The following SGMS1 variants were observed in gnomAD, a reference collection of about 807,000 sequenced individuals.
The protein encoded by SGMS1 is phosphatidylcholine:ceramide cholinephosphotransferase 1.
SGMS1 carries 13 observed loss-of-function variants against 46.2 expected under a neutral mutation model. That is an observed-to-expected ratio of 0.28 (90% CI 0.18 to 0.45). SGMS1 has a LOEUF of 0.45. Among genes scored for constraint, SGMS1 ranks in the 20% least tolerant of loss-of-function variants. The probability of loss-of-function intolerance (pLI) is 1.00; values close to 1 mark genes in which losing one functional copy is unlikely to be tolerated. For missense variants in SGMS1, 324 were observed against 519.9 expected (o/e 0.62, Z 3.66); for synonymous variants, 203 against 187.8 (o/e 1.08, Z -0.66).
chr10:50,438,056 G>A (rs1190108343), intron 5 of SGMS1, among the ~76,000 whole-genome samples: 1 of 152,228 alleles, frequency 6.6e-6, no homozygotes, highest in Non-Finnish European at 1.5e-5. Context: ...AAAAGCAGAA[G>A]GGATGAGAAA....
chr10:50,503,939 A>G (rs1299292679), intron 3 of SGMS1, among the ~76,000 whole-genome samples: 1 of 152,228 alleles, frequency 6.6e-6, no homozygotes, highest in Admixed American at 6.5e-5. Flanking sequence ...TGTACAGAGA[A>G]AAAATGAAGG....
intron 2 of SGMS1, among the ~76,000 whole-genome samples, chr10:50,528,719 G>A (rs1443715132): frequency 1.3e-5 from 2 of 152,134 alleles, no homozygotes; most frequent in Non-Finnish European, 2.9e-5. Context: ...GGCAAAATAG[G>A]GAGACCTCTG....
intron 2 of SGMS1, among the ~76,000 whole-genome samples, chr10:50,554,385 A>T (rs1255882941): frequency 6.6e-6 from 1 of 152,244 alleles, no homozygotes; most frequent in East Asian, 1.9e-4. Flanking sequence ...AAGCAAATGA[A>T]AAATTTAAAC....
At chr10:50,555,656 T>A (rs1838184048) in intron 2 of SGMS1, among the ~76,000 whole-genome samples, 1 of 152,218 alleles carries the variant, frequency 6.6e-6, no homozygotes, top group Admixed American at 6.5e-5. Flanking sequence ...AACTAAGTAT[T>A]CAGACCTTCA....
rs535492759 is a variant in SGMS1, at chr10:50,310,318, C to T, written c.895+944G>A. Among the ~76,000 whole-genome samples the T allele has an allele frequency of 2.0e-5, 3 of 152,282 alleles. No homozygotes were observed. In the South Asian group the frequency reaches 6.2e-4, roughly 32 times the overall value. ...TTCATGGAAACCCCCCTGTATAATGCTTATCAGACTGTTTCTAACAATGTG... is the reference window on the plus strand; with the variant it reads ...TTCATGGAAACCCCCCTGTATAATGTTTATCAGACTGTTTCTAACAATGTG... On this transcript the variant is annotated intron_variant, in intron 9 of 10. Transcript: ENST00000361781.
At chr10:50,355,055 C>T (rs1288363065) in intron 6 of SGMS1, among the ~76,000 whole-genome samples, 1 of 152,166 alleles carries the variant, frequency 6.6e-6, no homozygotes, top group Admixed American at 6.5e-5. Flanking sequence ...GGATCTAGAA[C>T]TAGAAATATC....
intron 3 of SGMS1, among the ~76,000 whole-genome samples, chr10:50,508,917 C>G (rs1837730594): frequency 6.6e-6 from 1 of 152,146 alleles, no homozygotes; most frequent in Non-Finnish European, 1.5e-5. Flanking sequence ...TTTGGTCCAC[C>G]CTGATGGATG....
At chr10:50,439,277 G>A (rs1413410897) in intron 5 of SGMS1, among the ~76,000 whole-genome samples, 1 of 152,130 alleles carries the variant, frequency 6.6e-6, no homozygotes, top group African/African-American at 2.4e-5. Context: ...CAACCACAGA[G>A]TATACAGCTA....
chr10:50,464,665 T>C (rs1398119777), intron 4 of SGMS1, among the ~76,000 whole-genome samples: 1 of 152,202 alleles, frequency 6.6e-6, no homozygotes, highest in African/African-American at 2.4e-5. Flanking sequence ...AACTCCTGAC[T>C]TCAAGTGATT....
chr10:50,487,567 C>T (rs562532720), intron 3 of SGMS1, among the ~76,000 whole-genome samples: 4 of 152,202 alleles, frequency 2.6e-5, no homozygotes, highest in African/African-American at 7.2e-5. Context: ...ATATTTTGTA[C>T]ACGTTTTTTA....
chr10:50,468,524 T>C (rs1185514310), intron 3 of SGMS1, among the ~76,000 whole-genome samples: 1 of 152,192 alleles, frequency 6.6e-6, no homozygotes, highest in African/African-American at 2.4e-5. Context: ...TAAGGGATAA[T>C]TTTCTGACAC....
At chr10:50,408,277 T>C (rs1345011181) in intron 6 of SGMS1, among the ~76,000 whole-genome samples, 1 of 151,886 alleles carries the variant, frequency 6.6e-6, no homozygotes, top group Non-Finnish European at 1.5e-5. Flanking sequence ...ATAGAAATAC[T>C]AGCCCTTTTA....
intron 6 of SGMS1, among the ~76,000 whole-genome samples, chr10:50,369,882 T>C (rs886113233): frequency 6.6e-6 from 1 of 152,210 alleles, no homozygotes; most frequent in Non-Finnish European, 1.5e-5. Context: ...ACCTAGATGG[T>C]GTAACCTATT....
At chr10:50,378,974 A>G (rs563051016) in intron 6 of SGMS1, among the ~76,000 whole-genome samples, 1 of 152,282 alleles carries the variant, frequency 6.6e-6, no homozygotes, top group South Asian at 2.1e-4. Context: ...AGTGTAGGGG[A>G]AAAAGGAGCA....
intron 1 of SGMS1, among the ~76,000 whole-genome samples, chr10:50,612,697 TTTG>T (rs1838761152): frequency 6.6e-6 from 1 of 152,280 alleles, no homozygotes; most frequent in Non-Finnish European, 1.5e-5. Context: ...ATTTAGCCAC[TTTG>T]TTGTTTGTTG....
chr10:50,359,587 G>A (rs1848213971), intron 6 of SGMS1, among the ~76,000 whole-genome samples: 1 of 151,762 alleles, frequency 6.6e-6, no homozygotes, highest in South Asian at 2.1e-4. Context: ...AGCTAATTCT[G>A]CCTCCCCTTC....
intron 6 of SGMS1, among the ~76,000 whole-genome samples, chr10:50,344,882 AT>A (rs1336984418): frequency 6.7e-6 from 1 of 149,352 alleles, no homozygotes; most frequent in African/African-American, 2.5e-5. Flanking sequence ...AAAAAAAAAA[AT>A]AATAATAATT....
At chr10:50,474,124 T>C (rs188669409) in intron 3 of SGMS1, 1 of 152,340 alleles carries the variant, frequency 6.6e-6, no homozygotes, top group Admixed American at 6.5e-5. Flanking sequence ...ATCTATATCT[T>C]GAACCCTTTT....
intron 2 of SGMS1, among the ~76,000 whole-genome samples, chr10:50,544,125 G>A (rs1386857656): frequency 2.0e-5 from 3 of 152,162 alleles, no homozygotes; most frequent in Non-Finnish European, 4.4e-5. Context: ...CTTATAGGAA[G>A]GTAATGACAA....
Sources: gnomAD v4.1 joint callset for allele counts (sites outside exome capture counted in the v4.1 genomes callset) on GRCh38, gnomAD v4.1.1 for gene constraint, MANE v1.5 for transcripts, NCBI Gene and HGNC (gene_info 2026-07-23, HGNC 2026-07-21) for gene names.